The following ATP8B4 variants were observed in gnomAD, a reference collection of about 807,000 sequenced individuals.
ATP8B4 encodes the protein ATPase phospholipid transporting 8B4 (putative).
ATP8B4 carries 133 observed loss-of-function variants against 145.6 expected under a neutral mutation model. That is an observed-to-expected ratio of 0.91 (90% CI 0.79 to 1.05). The LOEUF is 1.05. Among genes scored for constraint, ATP8B4 ranks in the 50% least tolerant of loss-of-function variants. The pLI is 0.00. For synonymous variants in ATP8B4, 507 were observed against 492.9 expected (o/e 1.03, Z -0.38); for missense variants, 1,458 against 1,425.2 (o/e 1.02, Z -0.37).
chr15:50,050,587 A>C (rs905247742), intron 3 of ATP8B4, among the ~76,000 whole-genome samples: 4 of 151,978 alleles, frequency 2.6e-5, no homozygotes, highest in Admixed American at 2.6e-4. Context: ...CATGCCTTTT[A>C]TATGTTCTTC....
chr15:49,924,121 G>C (rs1430022484), intron 16 of ATP8B4, among the ~76,000 whole-genome samples: 1 of 151,820 alleles, frequency 6.6e-6, no homozygotes, highest in Non-Finnish European at 1.5e-5. Flanking sequence ...GTCTATATCG[G>C]TAGTACTGTG....
chr15:49,911,350 C>T (rs1028469437), intron 20 of ATP8B4, among the ~76,000 whole-genome samples: 7 of 151,894 alleles, frequency 4.6e-5, no homozygotes, highest in Non-Finnish European at 8.8e-5. Flanking sequence ...AAACAGAAAC[C>T]AAAAGCAAAC....
intron 1 of ATP8B4, among the ~76,000 whole-genome samples, chr15:50,156,286 T>G (rs35607381): frequency 0.23 from 35,242 of 150,986 alleles, 4,600 homozygotes; most frequent in Non-Finnish European, 0.3. Context: ...AGATACTTGA[T>G]ATAATTGCTC....
At chr15:49,928,725 C>A (rs2040965800) in intron 16 of ATP8B4, among the ~76,000 whole-genome samples, 1 of 151,930 alleles carries the variant, frequency 6.6e-6, no homozygotes, top group East Asian at 1.9e-4. Context: ...GGACAAAAAG[C>A]TTTCATGATT....
intron 4 of ATP8B4, among the ~76,000 whole-genome samples, chr15:50,046,973 A>C (rs1383165648): frequency 6.6e-6 from 1 of 152,240 alleles, no homozygotes; most frequent in Non-Finnish European, 1.5e-5. Context: ...TGCAGAATTA[A>C]GCTCTGCAAC....
intron 13 of ATP8B4, among the ~76,000 whole-genome samples, chr15:49,965,189 G>A (rs1311657423): frequency 6.6e-6 from 1 of 152,162 alleles, no homozygotes; most frequent in Non-Finnish European, 1.5e-5. Context: ...GAAGACAGCT[G>A]AGGAAACCAT....
At chr15:50,049,813 AT>A (rs905677359) in intron 3 of ATP8B4, among the ~76,000 whole-genome samples, 6 of 150,638 alleles carry the variant, frequency 4.0e-5, no homozygotes, top group African/African-American at 9.8e-5. Flanking sequence ...AACATCTGTT[AT>A]TTTTTTTTCT....
rs10539979 is a variant in ATP8B4, at chr15:50,003,274, ATGTGTG to A, written c.436-1057_436-1052del. ...TTTGCAACTCAAAAATAGGGTGTGC[ATGTGTG>A]TGTGTGTGTGTGTGTGTGTGTGTGT... is the stretch of plus-strand genomic sequence containing the variant. On this transcript the variant is annotated intron_variant, in intron 7 of 27. Transcript: ENST00000284509. 1.6e-3 allele frequency among the ~76,000 whole-genome samples: 219 copies of A among 141,188 alleles called. 2 individuals carry two copies. Among genetic ancestry groups the A allele is most frequent in the African/African-American group, 4.7e-3 (180 of 38,340 alleles). The allele number at this position is 141,188 out of a possible 152,430, so 92.6% of individuals were successfully genotyped here.
chr15:50,179,604 T>G (rs1481090524), intron 1 of ATP8B4, among the ~76,000 whole-genome samples: 1 of 151,784 alleles, frequency 6.6e-6, no homozygotes, highest in East Asian at 1.9e-4. Context: ...ACCCTCAATG[T>G]GATGGTATTA....
intron 24 of ATP8B4, among the ~76,000 whole-genome samples, chr15:49,877,926 T>C (rs1418800389): frequency 1.3e-5 from 2 of 152,206 alleles, no homozygotes; most frequent in East Asian, 1.9e-4. Context: ...GTGTCACTTA[T>C]TGGCTGTGTG....
Position 49,897,439 on chromosome 15 carries a change from C to T in ATP8B4, c.2550G>A (p.Gln850=). 6.2e-7 allele frequency: 1 copy of T among 1,612,074 alleles called. No homozygotes were observed. Among genetic ancestry groups the T allele is most frequent in the Non-Finnish European group, 8.5e-7 (1 of 1,179,254 alleles). ...GGAGAAGCCTTTGGAGATATCTAAA[C>T]TGTGCAAATGAATAGTCGCTGGCTA... ...AVLASDYSFA[Q]FRYLQRLLLV... is the part of the protein sequence containing the mutation. The change falls in exon 23 of 28, where the codon CAG becomes CAA. Residue 850 remains glutamine, a synonymous_variant. Coordinates refer to ENST00000284509, the MANE Select transcript of ATP8B4 (RefSeq NM_024837.4).
chr15:50,071,067 T>C (rs1408447251), intron 3 of ATP8B4, among the ~76,000 whole-genome samples: 2 of 152,154 alleles, frequency 1.3e-5, no homozygotes, highest in African/African-American at 2.4e-5. Flanking sequence ...AACTCAGAGA[T>C]GGAGCTACCT....
At chr15:49,968,632 T>C (rs1002852800) in intron 13 of ATP8B4, among the ~76,000 whole-genome samples, 5 of 149,334 alleles carry the variant, frequency 3.3e-5, no homozygotes, top group Middle Eastern at 3.3e-3. Flanking sequence ...AGCAAGTTCT[T>C]AGAGACGTAC....
rs75150256 is a variant in ATP8B4, at chr15:50,125,086, C to T, written c.-42-18078G>A. Among the ~76,000 whole-genome samples, 486 of 152,284 alleles carry T rather than the reference C, an allele frequency of 3.2e-3. 2 individuals are homozygous for T. The highest frequency in any genetic ancestry group is 0.011 in the African/African-American group (466 of 41,558). ...GCACATAATGGGTATCCAGTAAAGA[C>T]TTTTGGCCTCCGCTTTTTTATAGAC... On this transcript the variant is annotated intron_variant, in intron 1 of 3. Coordinates refer to the ATP8B4 transcript ENST00000558829.
At chr15:50,180,153 G>T (rs1202372855) in intron 1 of ATP8B4, among the ~76,000 whole-genome samples, 2 of 151,994 alleles carry the variant, frequency 1.3e-5, no homozygotes, top group Admixed American at 6.6e-5. Context: ...ACAGACATTG[G>T]TTCAGAAATG....
intron 14 of ATP8B4, among the ~76,000 whole-genome samples, chr15:49,958,207 T>C (rs1229565968): frequency 6.6e-6 from 1 of 151,362 alleles, no homozygotes; most frequent in Non-Finnish European, 1.5e-5. Context: ...AAAATAATCA[T>C]ATAAAAATAA....
intron 1 of ATP8B4, among the ~76,000 whole-genome samples, chr15:50,125,677 T>C (rs1196572108): frequency 6.6e-6 from 1 of 152,218 alleles, no homozygotes; most frequent in African/African-American, 2.4e-5. Context: ...CAAACCCATC[T>C]GTGGGGGCAA....
chr15:50,097,892 A>G (rs1279843086), intron 2 of ATP8B4, among the ~76,000 whole-genome samples: 1 of 152,202 alleles, frequency 6.6e-6, no homozygotes, highest in African/African-American at 2.4e-5. Flanking sequence ...TACTTCACAT[A>G]TATTTCATTT....
chr15:50,046,163 G>C (rs895577330), intron 4 of ATP8B4, among the ~76,000 whole-genome samples: 5 of 152,186 alleles, frequency 3.3e-5, no homozygotes, highest in Admixed American at 2.0e-4. Flanking sequence ...TTGAGCCACA[G>C]TGACAGGTTT....
Sources: allele counts gnomAD v4.1 joint callset (sites outside exome capture counted in the v4.1 genomes callset), GRCh38; gene constraint gnomAD v4.1.1; transcripts MANE v1.5; gene names NCBI Gene and HGNC (gene_info 2026-07-23, HGNC 2026-07-21).